FAM227B: variants seen among roughly 807,000 people sequenced by gnomAD.
FAM227B encodes protein FAM227B.
A neutral mutation model predicts 73.8 loss-of-function variants in FAM227B; 88 were observed. The observed-to-expected ratio is 1.19, with a 90% CI of 1.00 to 1.42. The LOEUF (loss-of-function observed/expected upper bound fraction) is 1.42, where lower values mean the gene tolerates loss of function less well. Ranked by LOEUF, FAM227B falls within the 40% of genes most tolerant of loss-of-function variation. FAM227B has a pLI of 0.00. For missense variants in FAM227B, 632 were observed against 590.9 expected (o/e 1.07, Z -0.72); for synonymous variants, 210 against 190.5 (o/e 1.10, Z -0.84).
intron 13 of FAM227B, among the ~76,000 whole-genome samples, chr15:49,342,956 C>A (rs1034421370): frequency 2.6e-5 from 4 of 152,032 alleles, no homozygotes; most frequent in Non-Finnish European, 5.9e-5. Context: ...AAGATTTTTT[C>A]TTTAGCACTG....
chr15:49,414,614 A>C (rs901448031), intron 11 of FAM227B, among the ~76,000 whole-genome samples: 1 of 152,194 alleles, frequency 6.6e-6, no homozygotes, highest in East Asian at 1.9e-4. Flanking sequence ...GATTAATCTC[A>C]TAACAACATT....
intron 11 of FAM227B, among the ~76,000 whole-genome samples, chr15:49,380,460 TA>T (rs902488941): frequency 1.1e-4 from 16 of 151,352 alleles, no homozygotes; most frequent in African/African-American, 2.2e-4. Context: ...TTGCGTTGAT[TA>T]AAAAAAAATA....
At position 49,505,947 on chromosome 15, in the gene FAM227B, C is replaced by T. The variant is rs560669416; in HGVS notation, c.1012+2264G>A. ...ATATGTAAAATGATGAGAAAAGATA[C>T]GATGTGAACCATAAGCATAGGAAAA... On this transcript the variant is annotated intron_variant, in intron 11 of 15. Coordinates refer to ENST00000299338, the MANE Select transcript of FAM227B (RefSeq NM_152647.3). Among the ~76,000 whole-genome samples the T allele has an allele frequency of 2.2e-4, 34 of 151,686 alleles. No individual in the cohort carries two copies. In the South Asian group the frequency reaches 6.2e-3, roughly 28 times the overall value.
At chr15:49,556,620 C>T (rs1174179576) in intron 9 of FAM227B, among the ~76,000 whole-genome samples, 6 of 152,144 alleles carry the variant, frequency 3.9e-5, no homozygotes, top group Non-Finnish European at 8.8e-5. Flanking sequence ...GCATCCATTG[C>T]CATACTGCAA....
chr15:49,498,636 A>G (rs1411179139), intron 11 of FAM227B, among the ~76,000 whole-genome samples: 1 of 152,232 alleles, frequency 6.6e-6, no homozygotes, highest in Non-Finnish European at 1.5e-5. Flanking sequence ...TAAATAAAAT[A>G]TATAATACAC....
intron 5 of FAM227B, among the ~76,000 whole-genome samples, chr15:49,578,782 C>A (rs2075630525): frequency 6.6e-6 from 1 of 151,984 alleles, no homozygotes; most frequent in Admixed American, 6.6e-5. Context: ...AGCTATAGAT[C>A]AATAAAGATG....
In FAM227B at chr15:49,327,948, T is replaced by A; in HGVS notation, c.*620A>T. 1 of 1,606,548 alleles carries A rather than the reference T, an allele frequency of 6.2e-7. No homozygotes were observed. The highest frequency in any genetic ancestry group is 8.5e-7 in the Non-Finnish European group (1 of 1,175,584). ...TTCTAATATTTTTTTCCTCACTGTT[T>A]TAGGAAGTTTGGGGCTCAAGGGTCA... On this transcript the variant is annotated 3_prime_UTR_variant, in exon 16 of 16. Coordinates refer to ENST00000299338, the MANE Select transcript of FAM227B (RefSeq NM_152647.3).
intron 11 of FAM227B, among the ~76,000 whole-genome samples, chr15:49,412,939 A>G (rs1413215541): frequency 1.2e-4 from 18 of 152,120 alleles, no homozygotes. Context: ...CTTGGGTGAT[A>G]GCATTTCTCT....
At chr15:49,535,787 A>AGT (rs1447862228) in intron 10 of FAM227B, among the ~76,000 whole-genome samples, 3 of 151,926 alleles carry the variant, frequency 2.0e-5, no homozygotes, top group African/African-American at 7.2e-5. Flanking sequence ...GTGACACATC[A>AGT]TACCAACACA....
intron 11 of FAM227B, among the ~76,000 whole-genome samples, chr15:49,443,816 G>A (rs1225251732): frequency 6.6e-6 from 1 of 151,624 alleles, no homozygotes; most frequent in Admixed American, 6.6e-5. Flanking sequence ...CATTTTGTGA[G>A]TATTATATTT....
At chr15:49,602,167 G>A (rs1210573357) in intron 3 of FAM227B, among the ~76,000 whole-genome samples, 1 of 152,054 alleles carries the variant, frequency 6.6e-6, no homozygotes. Context: ...CTCAGCAGTG[G>A]GACTGCTAGA....
intron 10 of FAM227B, among the ~76,000 whole-genome samples, chr15:49,513,397 T>A (rs529930325): frequency 3.9e-5 from 6 of 152,248 alleles, no homozygotes; most frequent in Non-Finnish European, 7.3e-5. Flanking sequence ...GCCACATAAA[T>A]ATCTTCTTTT....
intron 11 of FAM227B, among the ~76,000 whole-genome samples, chr15:49,445,237 T>C (rs1026670052): frequency 2.6e-5 from 4 of 151,662 alleles, no homozygotes; most frequent in Non-Finnish European, 4.4e-5. Context: ...CTGAGCATAG[T>C]ACCCAATAGT....
chr15:49,527,991 A>T (rs1431264906), intron 10 of FAM227B, among the ~76,000 whole-genome samples: 1 of 151,812 alleles, frequency 6.6e-6, no homozygotes, highest in Admixed American at 6.6e-5. Context: ...TTTTGACAGG[A>T]TTAGAAAAAA....
intron 11 of FAM227B, among the ~76,000 whole-genome samples, chr15:49,377,147 G>A (rs1037178696): frequency 1.3e-5 from 2 of 151,874 alleles, no homozygotes; most frequent in Admixed American, 6.6e-5. Context: ...GTCTTTCTGT[G>A]CCTGGCTTAT....
chr15:49,529,310 G>C (rs982076534), intron 10 of FAM227B, among the ~76,000 whole-genome samples: 1 of 151,454 alleles, frequency 6.6e-6, no homozygotes, highest in African/African-American at 2.4e-5. Flanking sequence ...AGACACTGAG[G>C]ACTCCAAAAG....
chr15:49,565,133 C>T (rs1439187467), intron 9 of FAM227B, among the ~76,000 whole-genome samples: 2 of 151,976 alleles, frequency 1.3e-5, no homozygotes, highest in African/African-American at 2.4e-5. Context: ...CCTGTAATCC[C>T]AGCACTTTGG....
chr15:49,597,499 T>C (rs1034145393), intron 3 of FAM227B, among the ~76,000 whole-genome samples: 1 of 151,886 alleles, frequency 6.6e-6, no homozygotes. Flanking sequence ...CAGCATTGAA[T>C]ACCTACATCA....
At chr15:49,349,994 G>A (rs952504327) in intron 13 of FAM227B, among the ~76,000 whole-genome samples, 1 of 152,166 alleles carries the variant, frequency 6.6e-6, no homozygotes, top group African/African-American at 2.4e-5. Flanking sequence ...TTGGATGGAT[G>A]AATAAGGTAA....
Sources: allele counts gnomAD v4.1 joint callset (sites outside exome capture counted in the v4.1 genomes callset), GRCh38; gene constraint gnomAD v4.1.1; transcripts MANE v1.5; gene names NCBI Gene and HGNC (gene_info 2026-07-23, HGNC 2026-07-21).